The following KMT2C variants were observed in gnomAD, a reference collection of about 807,000 sequenced individuals.
KMT2C encodes the protein histone-lysine N-methyltransferase 2C.
Under a neutral mutation model 507.9 loss-of-function variants are expected in KMT2C, and 88 were observed. The ratio of observed to expected loss-of-function variants is 0.17; its 90% CI spans 0.15 to 0.21. KMT2C has a LOEUF of 0.21. KMT2C is among the 10% of genes least tolerant of loss of function. KMT2C has a pLI of 1.00. For synonymous variants in KMT2C, 2,049 were observed against 2,080.8 expected (o/e 0.98, Z 0.42); for missense variants, 4,954 against 5,957.8 (o/e 0.83, Z 5.55).
intron 6 of KMT2C, among the ~76,000 whole-genome samples, chr7:152,299,282 C>T (rs1056641038): frequency 1.2e-4 from 18 of 151,790 alleles, no homozygotes; most frequent in Non-Finnish European, 2.2e-4. Context: ...AGCGCCACTG[C>T]ACTCCAGCCT....
intron 2 of KMT2C, among the ~76,000 whole-genome samples, chr7:152,345,904 C>T (rs116837539): frequency 0.012 from 1,784 of 151,998 alleles, 41 homozygotes; most frequent in African/African-American, 0.041. Flanking sequence ...AAGATACATA[C>T]GGATAAGAAA....
intron 38 of KMT2C, among the ~76,000 whole-genome samples, chr7:152,174,543 GCTT>G (rs1179222151): frequency 1.3e-5 from 2 of 152,064 alleles, no homozygotes; most frequent in Admixed American, 1.3e-4. Context: ...AATCAGAATG[GCTT>G]CTTTAGTAAA....
At chr7:152,339,832 T>C (rs184741101) in intron 2 of KMT2C, among the ~76,000 whole-genome samples, 111 of 152,260 alleles carry the variant, frequency 7.3e-4, no homozygotes, top group Non-Finnish European at 1.4e-3. Flanking sequence ...AGCAAGCAGA[T>C]AAATCTCATA....
chr7:152,282,541 C>G (rs1312452112), intron 6 of KMT2C, among the ~76,000 whole-genome samples: 9 of 152,156 alleles, frequency 5.9e-5, no homozygotes, highest in African/African-American at 2.2e-4. Context: ...TTGGATTTAT[C>G]TCACAAATAT....
In KMT2C at chr7:152,218,286, C is replaced by T. The variant is rs916727411; in HGVS notation, c.3712+2237G>A. 4.6e-5 allele frequency among the ~76,000 whole-genome samples: 7 copies of T among 152,210 alleles called. No homozygotes were observed. The South Asian group carries it at 6.3e-4, about 14-fold the overall frequency. ...TTCAAGCAATCCTCTGCCTCTGCCT[C>T]CCGAGTAGCTGGGATTACAGGTGCC... On this transcript the variant is annotated intron_variant, in intron 23 of 58. Coordinates refer to ENST00000262189, the MANE Select transcript of KMT2C (RefSeq NM_170606.3).
At chr7:152,280,657 T>C (rs2096192047) in intron 6 of KMT2C, among the ~76,000 whole-genome samples, 1 of 152,162 alleles carries the variant, frequency 6.6e-6, no homozygotes, top group Non-Finnish European at 1.5e-5. Context: ...AGGTAACACC[T>C]TGATTTGAAT....
intron 19 of KMT2C, 30 bp from the exon 20 acceptor site, chr7:152,224,209 A>T: frequency 6.3e-7 from 1 of 1,582,370 alleles, no homozygotes; most frequent in Non-Finnish European, 8.6e-7. Flanking sequence ...GAAAAGTCTC[A>T]ATTTTATTTT....
At chr7:152,203,138 ACC>A in intron 25 of KMT2C, 74 bp from the exon 26 acceptor site, 1 of 1,211,102 alleles carries the variant, frequency 8.3e-7, no homozygotes, top group Non-Finnish European at 1.2e-6. Flanking sequence ...GTAATTTTAT[ACC>A]TTACCAACAT....
Position 152,151,532 on chromosome 7 carries a change from T to C in KMT2C, c.12576A>G (p.Ala4192=). Residue 4192 remains alanine (A), a synonymous_variant, in exon 50 of 59, where the codon GCA becomes GCG. Coordinates refer to ENST00000262189, the MANE Select transcript of KMT2C (RefSeq NM_170606.3). ...AATGACAACACCACTGTGGTCTGAG[T>C]GCTGCGCTTTCTGCAATACCATGAC... ...DSSHGIAESA[A]LRPQWCCHCK... is the part of the protein sequence containing the mutation. The C allele has an allele frequency of 6.2e-7, 1 of 1,614,132 alleles. No individual in the cohort carries two copies.
chr7:152,157,796 C>G, intron 44 of KMT2C: 1 of 1,315,558 alleles, frequency 7.6e-7, no homozygotes, highest in Middle Eastern at 2.2e-4. Flanking sequence ...TCCGAAACCC[C>G]TTCCAGGGTA....
At chr7:152,189,685 C>T (rs1271504604) in intron 31 of KMT2C, among the ~76,000 whole-genome samples, 3 of 152,160 alleles carry the variant, frequency 2.0e-5, no homozygotes, top group African/African-American at 7.2e-5. Flanking sequence ...CTTCCTAGAA[C>T]TCTCTGACTT....
chr7:152,194,691 AT>A, intron 28 of KMT2C, 123 bp from the exon 29 acceptor site: 1 of 635,214 alleles, frequency 1.6e-6, no homozygotes, highest in Non-Finnish European at 2.5e-6. Context: ...AAAGTCTGTA[AT>A]TCTGAATCAG....
At chr7:152,292,093 G>A (rs1356524751) in intron 6 of KMT2C, among the ~76,000 whole-genome samples, 1 of 152,006 alleles carries the variant, frequency 6.6e-6, no homozygotes, top group African/African-American at 2.4e-5. Context: ...ATTGTGAGAA[G>A]TGCCAAGTCT....
intron 2 of KMT2C, among the ~76,000 whole-genome samples, chr7:152,353,964 A>G (rs2097133226): frequency 6.8e-6 from 1 of 146,710 alleles, no homozygotes; most frequent in South Asian, 2.1e-4. Context: ...TTTATGGAAC[A>G]AACTCTGTCT....
chr7:152,210,000 T>C (rs2094416358), intron 23 of KMT2C, among the ~76,000 whole-genome samples: 1 of 152,092 alleles, frequency 6.6e-6, no homozygotes, highest in South Asian at 2.1e-4. Flanking sequence ...CTACTCTCAT[T>C]TGTGGGATGC....
rs2093234724 is a variant in KMT2C, at chr7:152,176,893, A to G, written c.8560T>C (p.Ser2854Pro). 6.2e-7 allele frequency: 1 copy of G among 1,614,208 alleles called. No homozygotes were observed. Among genetic ancestry groups the G allele is most frequent in the Non-Finnish European group, 8.5e-7 (1 of 1,180,024 alleles). ...AGGTCTGAGTGAGCAGAAGCCTGTG[A>G]GCAAGGAGTGTCAACATTATCTTTA... The part of the protein sequence containing the change: ...ENKDNVDTPC[S>P]QASAHSDLND... The change falls in exon 38 of 59, where the codon TCA becomes CCA. Residue 2854 changes from serine (S) to proline (P), a missense_variant. Ser to Pro is a moderately conservative substitution (Grantham distance 74). Transcript: ENST00000262189.
At chr7:152,150,113 G>C (rs1311725300) in intron 51 of KMT2C, among the ~76,000 whole-genome samples, 1 of 152,158 alleles carries the variant, frequency 6.6e-6, no homozygotes, top group Non-Finnish European at 1.5e-5. Context: ...TACTGTACAG[G>C]AAAAGCTTCC....
At chr7:152,207,724 T>A (rs1040151445) in intron 23 of KMT2C, among the ~76,000 whole-genome samples, 5 of 152,144 alleles carry the variant, frequency 3.3e-5, no homozygotes, top group African/African-American at 1.2e-4. Flanking sequence ...AATTATGTCT[T>A]CAGGTCCAGG....
chr7:152,411,298 C>T (rs2097680608), intron 1 of KMT2C, among the ~76,000 whole-genome samples: 1 of 152,184 alleles, frequency 6.6e-6, no homozygotes, highest in East Asian at 1.9e-4. Flanking sequence ...CTTTCAGCTT[C>T]ATCCCATCCC....
Sources: allele counts gnomAD v4.1 joint callset (sites outside exome capture counted in the v4.1 genomes callset), GRCh38; gene constraint gnomAD v4.1.1; transcripts MANE v1.5; gene names NCBI Gene and HGNC (gene_info 2026-07-23, HGNC 2026-07-21).